Variants in MGAT4C observed in about 807,000 individuals in gnomAD.
MGAT4C encodes MGAT4 family member C, also known as alpha-1,3-mannosyl-glycoprotein 4-beta-N-acetylglucosaminyltransferase C.
Under a neutral mutation model 40.1 loss-of-function variants are expected in MGAT4C, and 19 were observed. That is an observed-to-expected ratio of 0.47 (90% CI 0.33 to 0.70). The LOEUF is 0.70. MGAT4C is among the 30% of genes least tolerant of loss of function. The pLI is 0.02. For synonymous variants in MGAT4C, 181 were observed against 187.1 expected (o/e 0.97, Z 0.27); for missense variants, 491 against 563.2 (o/e 0.87, Z 1.30).
At chr12:86,406,602 G>C (rs1003455998) in intron 3 of MGAT4C, among the ~76,000 whole-genome samples, 1 of 151,964 alleles carries the variant, frequency 6.6e-6, no homozygotes, top group Non-Finnish European at 1.5e-5. Context: ...CAAAAAAACA[G>C]TGACAATAGC....
intron 3 of MGAT4C, among the ~76,000 whole-genome samples, chr12:85,986,597 T>C (rs1279096244): frequency 4.6e-5 from 7 of 152,206 alleles, no homozygotes; most frequent in Non-Finnish European, 1.0e-4. Context: ...GTTAACTAAC[T>C]CCAGAGACCT....
chr12:86,251,274 T>C (rs772287961), intron 1 of MGAT4C, among the ~76,000 whole-genome samples: 1 of 151,962 alleles, frequency 6.6e-6, no homozygotes, highest in Non-Finnish European at 1.5e-5. Context: ...AAATCTATTT[T>C]AGATTAAAAC....
chr12:86,449,352 C>T (rs1565771007), intron 2 of MGAT4C, among the ~76,000 whole-genome samples: 1 of 152,136 alleles, frequency 6.6e-6, no homozygotes, highest in East Asian at 1.9e-4. Flanking sequence ...AATTCCAACT[C>T]TGCAATTTAC....
At chr12:86,433,002 C>G (rs1957070025) in intron 3 of MGAT4C, among the ~76,000 whole-genome samples, 1 of 151,882 alleles carries the variant, frequency 6.6e-6, no homozygotes, top group Non-Finnish European at 1.5e-5. Context: ...AAAGCAGCCT[C>G]TAGTCTGAGC....
chr12:86,010,678 TAACAAACAAACAAACC>T (rs1301315940), intron 2 of MGAT4C, among the ~76,000 whole-genome samples: 1 of 132,198 alleles, frequency 7.6e-6, no homozygotes, highest in Non-Finnish European at 1.7e-5. Context: ...ACTCTGTCTC[TAACAAACAAACAAACC>T]AACAAACAAA....
intron 3 of MGAT4C, among the ~76,000 whole-genome samples, chr12:86,400,155 C>A (rs899325414): frequency 1.3e-5 from 2 of 152,056 alleles, no homozygotes; most frequent in Non-Finnish European, 2.9e-5. Context: ...TAGGTGAGGG[C>A]GAAACTCCCC....
chr12:86,778,265 GGAGA>G (rs1951777256), intron 1 of MGAT4C, among the ~76,000 whole-genome samples: 1 of 152,122 alleles, frequency 6.6e-6, no homozygotes, highest in Admixed American at 6.6e-5. Flanking sequence ...TGTGGAGCAG[GGAGA>G]GAGAAAGAAA....
chr12:86,410,476 C>T (rs977319309), intron 3 of MGAT4C, among the ~76,000 whole-genome samples: 3 of 152,112 alleles, frequency 2.0e-5, no homozygotes, highest in African/African-American at 4.8e-5. Flanking sequence ...AAAAATATGG[C>T]TCTATTCTGC....
At chr12:86,701,465 A>G (rs1455294383) in intron 2 of MGAT4C, among the ~76,000 whole-genome samples, 2 of 152,148 alleles carry the variant, frequency 1.3e-5, no homozygotes, top group Non-Finnish European at 2.9e-5. Context: ...AGCCGTACCC[A>G]TATAAGACAG....
chr12:86,514,770 T>A (rs1958654781), intron 2 of MGAT4C, among the ~76,000 whole-genome samples: 1 of 152,184 alleles, frequency 6.6e-6, no homozygotes, highest in African/African-American at 2.4e-5. Flanking sequence ...CATGTAATCA[T>A]TGGTTCCAGA....
intron 1 of MGAT4C, among the ~76,000 whole-genome samples, chr12:86,219,179 A>AC (rs547819958): frequency 5.3e-4 from 81 of 152,054 alleles, no homozygotes; most frequent in African/African-American, 1.9e-3. Context: ...ACTCCATCTC[A>AC]AAAAAAGAAA....
chr12:86,808,216 TC>T (rs1952400534), intron 1 of MGAT4C, among the ~76,000 whole-genome samples: 1 of 152,044 alleles, frequency 6.6e-6, no homozygotes, highest in African/African-American at 2.4e-5. Flanking sequence ...GGAGCAGACA[TC>T]CGTCCTTCTG....
chr12:86,755,321 T>C (rs1347066087), intron 1 of MGAT4C, among the ~76,000 whole-genome samples: 2 of 152,188 alleles, frequency 1.3e-5, no homozygotes, highest in African/African-American at 4.8e-5. Flanking sequence ...TTACAATAAA[T>C]ATTGTAATAT....
rs1310000433 is a variant in MGAT4C at position 85,969,302 on chromosome 12, T to G, written c.*9987A>C. 6.6e-6 allele frequency: 1 copy of G among 151,734 alleles called. No homozygotes were observed. Among genetic ancestry groups the G allele is most frequent in the Non-Finnish European group, 1.5e-5 (1 of 67,734 alleles). The allele number at this position is 151,734 out of a possible 1,614,324, so 9.4% of individuals were successfully genotyped here. A position where few individuals can be genotyped will look rare whatever the true frequency, so the allele number is the denominator to read the frequency against. On this transcript the variant is annotated 3_prime_UTR_variant, in exon 5 of 5. Coordinates refer to ENST00000611864, the MANE Select transcript of MGAT4C (RefSeq NM_001351288.2). Reference sequence around the variant, plus strand: ...ACACAACTTTGGGGTTTACTGATGTTTTCCAACATCCGAAATAATAGCTGA... The same window carrying G: ...ACACAACTTTGGGGTTTACTGATGTGTTCCAACATCCGAAATAATAGCTGA...
chr12:86,538,194 C>T (rs922126333), intron 2 of MGAT4C, among the ~76,000 whole-genome samples: 12 of 152,046 alleles, frequency 7.9e-5, no homozygotes, highest in African/African-American at 1.9e-4. Flanking sequence ...GCACATGAGG[C>T]GATATGATTA....
At chr12:86,523,851 GTC>G (rs774985988) in intron 2 of MGAT4C, among the ~76,000 whole-genome samples, 13 of 151,854 alleles carry the variant, frequency 8.6e-5, no homozygotes, top group Non-Finnish European at 7.4e-5. Flanking sequence ...GCCCCTTTTT[GTC>G]TTTTTTCATA....
intron 2 of MGAT4C, among the ~76,000 whole-genome samples, chr12:86,489,635 C>G (rs1329230406): frequency 6.6e-6 from 1 of 152,222 alleles, no homozygotes; most frequent in African/African-American, 2.4e-5. Flanking sequence ...AAGTTTAACT[C>G]CTGCTGGCAC....
intron 2 of MGAT4C, among the ~76,000 whole-genome samples, chr12:86,712,761 T>C (rs1950579772): frequency 6.6e-6 from 1 of 151,984 alleles, no homozygotes; most frequent in Admixed American, 6.6e-5. Flanking sequence ...AAGGAAAAGC[T>C]CTACTGAGTT....
rs539159435 is a variant in MGAT4C, at chr12:86,133,700, T to C, written c.-56-83977A>G. 1.2e-4 allele frequency among the ~76,000 whole-genome samples: 18 copies of C among 152,230 alleles called. No individual in the cohort carries two copies. In the East Asian group the frequency reaches 2.1e-3, roughly 18 times the overall value. On this transcript the variant is annotated intron_variant, in intron 1 of 4. Coordinates refer to ENST00000611864, the MANE Select transcript of MGAT4C (RefSeq NM_001351288.2). ...ATGTAAAGATCCAAGGAGCTGCAAT[T>C]TACAATGAAAAACAGTTTGATGCTT...
Sources: allele counts gnomAD v4.1 joint callset (sites outside exome capture counted in the v4.1 genomes callset), GRCh38; gene constraint gnomAD v4.1.1; transcripts MANE v1.5; gene names NCBI Gene and HGNC (gene_info 2026-07-23, HGNC 2026-07-21).